The following AUTS2 variants were observed in gnomAD, a reference collection of about 807,000 sequenced individuals.
The protein encoded by AUTS2 is activator of transcription and developmental regulator AUTS2.
In AUTS2, 17 loss-of-function variants were observed where a neutral mutation model predicts 112.4. The observed-to-expected ratio is 0.15, with a 90% CI of 0.10 to 0.23. AUTS2 has a LOEUF of 0.23. Among genes scored for constraint, AUTS2 ranks in the 10% least tolerant of loss-of-function variants. The probability of loss-of-function intolerance (pLI) is 1.00; values close to 1 mark genes in which losing one functional copy is unlikely to be tolerated. For missense variants in AUTS2, 1,510 were observed against 1,701.6 expected, an observed-to-expected ratio of 0.89 and a Z score of 1.98; for synonymous variants, 751 against 702.7, an observed-to-expected ratio of 1.07 and a Z score of -1.09.
chr7:69,651,583 G>A (rs556134949), intron 1 of AUTS2, among the ~76,000 whole-genome samples: 28 of 152,332 alleles, frequency 1.8e-4, no homozygotes, highest in African/African-American at 6.5e-4. Context: ...ACCAGAGGTA[G>A]TTATGAATTT....
chr7:69,933,428 C>T (rs566631266), intron 2 of AUTS2, among the ~76,000 whole-genome samples: 1 of 152,220 alleles, frequency 6.6e-6, no homozygotes, highest in East Asian at 1.9e-4. Flanking sequence ...ATGGATAGGT[C>T]AGTGTCATTT....
At chr7:69,638,407 G>C (rs1194182883) in intron 1 of AUTS2, among the ~76,000 whole-genome samples, 1 of 152,224 alleles carries the variant, frequency 6.6e-6, no homozygotes, top group Non-Finnish European at 1.5e-5. Context: ...AGAAGTTGTA[G>C]TTCTCTGTAT....
chr7:70,023,977 C>T (rs938885398), intron 2 of AUTS2, among the ~76,000 whole-genome samples: 4 of 152,102 alleles, frequency 2.6e-5, no homozygotes, highest in Admixed American at 6.5e-5. Flanking sequence ...GGCAAAGCAC[C>T]GAACTCTTGA....
At chr7:70,760,463 T>TA (rs1488718284) in intron 6 of AUTS2, among the ~76,000 whole-genome samples, 27 of 152,232 alleles carry the variant, frequency 1.8e-4, no homozygotes, top group Admixed American at 1.8e-3. Flanking sequence ...GGGCTGTTCT[T>TA]ACTTTCTGTC....
chr7:70,150,307 G>A (rs1223179937), intron 4 of AUTS2, among the ~76,000 whole-genome samples: 1 of 152,084 alleles, frequency 6.6e-6, no homozygotes, highest in Non-Finnish European at 1.5e-5. Context: ...ATCTGAGGTA[G>A]GAAAATATTG....
chr7:70,144,369 G>A (rs1807015442), intron 4 of AUTS2, among the ~76,000 whole-genome samples: 1 of 152,066 alleles, frequency 6.6e-6, no homozygotes, highest in Non-Finnish European at 1.5e-5. Context: ...AACTAGCTCT[G>A]TGATATGAAA....
chr7:69,690,676 G>T (rs1584078695), intron 1 of AUTS2, among the ~76,000 whole-genome samples: 1 of 152,212 alleles, frequency 6.6e-6, no homozygotes, highest in Admixed American at 6.5e-5. Context: ...AGGAACCACA[G>T]AACCCCAAAC....
intron 4 of AUTS2, among the ~76,000 whole-genome samples, chr7:70,141,340 A>G (rs1191343764): frequency 1.3e-5 from 2 of 152,178 alleles, no homozygotes; most frequent in Admixed American, 1.3e-4. Context: ...TAAAGGATCA[A>G]TGACTACAAT....
chr7:70,678,299 T>C (rs1408990132), intron 5 of AUTS2, among the ~76,000 whole-genome samples: 2 of 152,140 alleles, frequency 1.3e-5, no homozygotes, highest in African/African-American at 4.8e-5. Flanking sequence ...ACAGCGGAAG[T>C]GTGTATGCTT....
chr7:70,235,793 G>A (rs941193647), intron 4 of AUTS2, among the ~76,000 whole-genome samples: 6 of 151,704 alleles, frequency 4.0e-5, no homozygotes, highest in African/African-American at 1.4e-4. Flanking sequence ...CTGGGAGTAC[G>A]GGCACCCACC....
At chr7:70,160,829 T>G (rs1808038453) in intron 4 of AUTS2, among the ~76,000 whole-genome samples, 1 of 152,202 alleles carries the variant, frequency 6.6e-6, no homozygotes, top group African/African-American at 2.4e-5. Flanking sequence ...TCCAATGAAA[T>G]TGTGATTTTT....
In AUTS2 at chr7:69,917,822, TTTGTTGTTGTTG is replaced by T. The variant is rs58362194; in HGVS notation, c.522+18352_522+18363del. On this transcript the variant is annotated intron_variant, in intron 2 of 18. Coordinates refer to ENST00000342771, the MANE Select transcript of AUTS2 (RefSeq NM_015570.4). The stretch of plus-strand genomic sequence containing the variant: ...AATGGTCTTCATTTCCAAGGACACC[TTTGTTGTTGTTG>T]TTGTTGTTGTTGTTGTTGTTGTTGT... Among the ~76,000 whole-genome samples, 13 of 149,228 alleles carry T rather than the reference TTTGTTGTTGTTG, an allele frequency of 8.7e-5. No individual in the cohort carries two copies. The East Asian group carries it at 9.9e-4, about 11-fold the overall frequency.
chr7:69,742,772 T>C (rs1017061325), intron 1 of AUTS2, among the ~76,000 whole-genome samples: 1 of 152,218 alleles, frequency 6.6e-6, no homozygotes, highest in African/African-American at 2.4e-5. Flanking sequence ...GAAGGTTGCA[T>C]GAGAACACAT....
intron 1 of AUTS2, among the ~76,000 whole-genome samples, chr7:69,693,401 G>A (rs1053913693): frequency 1.3e-5 from 2 of 152,182 alleles, no homozygotes; most frequent in Non-Finnish European, 2.9e-5. Context: ...GTATAAGGAT[G>A]GGATTCTGGA....
intron 4 of AUTS2, among the ~76,000 whole-genome samples, chr7:70,367,393 A>G (rs559779645): frequency 1.3e-5 from 2 of 152,112 alleles, no homozygotes; most frequent in African/African-American, 2.4e-5. Context: ...CATCTCTACT[A>G]AAAATACAAA....
At chr7:69,914,509 G>A (rs1011539070) in intron 2 of AUTS2, among the ~76,000 whole-genome samples, 2 of 151,712 alleles carry the variant, frequency 1.3e-5, no homozygotes, top group African/African-American at 4.8e-5. Context: ...TTTATCCCAA[G>A]CAACCCCTGC....
chr7:69,968,833 C>A (rs1243547859), intron 2 of AUTS2, among the ~76,000 whole-genome samples: 2 of 151,928 alleles, frequency 1.3e-5, no homozygotes, highest in Non-Finnish European at 2.9e-5. Flanking sequence ...ACATTTTCAA[C>A]TCCTTTTTAC....
intron 6 of AUTS2, among the ~76,000 whole-genome samples, chr7:70,759,595 A>G (rs1285529415): frequency 6.6e-6 from 1 of 152,186 alleles, no homozygotes; most frequent in African/African-American, 2.4e-5. Flanking sequence ...GCTGACGGCC[A>G]CAGCCTTGGC....
intron 4 of AUTS2, among the ~76,000 whole-genome samples, chr7:70,371,365 G>T (rs1001568371): frequency 1.2e-4 from 18 of 152,294 alleles, no homozygotes; most frequent in African/African-American, 3.1e-4. Context: ...TGAATGTATT[G>T]ATTGCATGCA....
Sources: allele counts gnomAD v4.1 joint callset (sites outside exome capture counted in the v4.1 genomes callset), GRCh38; gene constraint gnomAD v4.1.1; transcripts MANE v1.5; gene names NCBI Gene and HGNC (gene_info 2026-07-23, HGNC 2026-07-21).